Variants in BLZF1 observed in about 807,000 individuals in gnomAD.
BLZF1 encodes golgin-45.
In BLZF1, 39 loss-of-function variants were observed where a neutral mutation model predicts 43.8. The ratio of observed to expected loss-of-function variants is 0.89; its 90% CI spans 0.69 to 1.16. The LOEUF is 1.16. Ranked by LOEUF, BLZF1 falls within the 50% of genes most tolerant of loss-of-function variation. The pLI, the probability that BLZF1 is intolerant of heterozygous loss-of-function variation, is 0.00. For missense variants in BLZF1, 449 were observed against 469.8 expected (o/e 0.96, Z 0.41); for synonymous variants, 136 against 159.4 (o/e 0.85, Z 1.11).
At chr1:169,390,278 C>T (rs976784206), downstream of BLZF1, among the ~76,000 whole-genome samples, 3 of 151,820 alleles carry the variant, frequency 2.0e-5, no homozygotes. Flanking sequence ...TCTAACATAA[C>T]ACCTTAAGGA....
At chr1:169,379,184 A>G (rs1176365724) in intron 4 of BLZF1, among the ~76,000 whole-genome samples, 1 of 152,014 alleles carries the variant, frequency 6.6e-6, no homozygotes, top group Non-Finnish European at 1.5e-5. Context: ...ACTTAGCAAA[A>G]TACTTTATAG....
intron 6 of BLZF1, among the ~76,000 whole-genome samples, chr1:169,386,076 A>T (rs192736065): frequency 3.6e-3 from 554 of 152,306 alleles, no homozygotes; most frequent in African/African-American, 0.013. Flanking sequence ...TAACTGGAGA[A>T]ATTTTTTCAG....
At chr1:169,395,328 A>G in intron 7 of BLZF1, 1 of 837,490 alleles carries the variant, frequency 1.2e-6, no homozygotes, top group Non-Finnish European at 1.7e-6. Flanking sequence ...CTGTCACAGC[A>G]CAAATTTTTA....
intron 6 of BLZF1, among the ~76,000 whole-genome samples, chr1:169,384,057 T>C (rs6677410): frequency 0.53 from 81,145 of 151,868 alleles, 22,506 homozygotes; most frequent in Non-Finnish European, 0.6. Context: ...AAAAATATAA[T>C]CTCTTTTCTC....
intron 6 of BLZF1, among the ~76,000 whole-genome samples, chr1:169,382,903 C>A (rs1654566803): frequency 6.6e-6 from 1 of 152,182 alleles, no homozygotes; most frequent in Non-Finnish European, 1.5e-5. Flanking sequence ...TTCTTTCCAA[C>A]TCTGATTCTT....
At position 169,369,532 on chromosome 1, in the gene BLZF1, A is replaced by G. The variant is rs1194041459; in HGVS notation, c.10A>G (p.Lys4Glu). 1.9e-6 allele frequency: 3 copies of G among 1,609,718 alleles called. No homozygotes were observed. Among genetic ancestry groups the G allele is most frequent in the Non-Finnish European group, 2.5e-6 (3 of 1,177,294 alleles). Residue 4 changes from lysine (K) to glutamate (E), a missense_variant, in exon 2 of 7, where the codon AAA becomes GAA. Transcript: ENST00000367808. MTT[K>E]NLETKVTVTS... ...TGGTTAAGGTGAAAAAATGACTACTAAAAATTTAGAAACCAAAGGTAAGTG... is the reference window on the plus strand; with the variant it reads ...TGGTTAAGGTGAAAAAATGACTACTGAAAATTTAGAAACCAAAGGTAAGTG...
chr1:169,382,219 CAA>C lies in BLZF1; in HGVS notation c.961_962del (p.Lys321AspfsTer6). 9 of 1,612,858 alleles carry C rather than the reference CAA, an allele frequency of 5.6e-6. No individual in the cohort carries two copies. Among genetic ancestry groups the C allele is most frequent in the Non-Finnish European group, 7.6e-6 (9 of 1,179,476 alleles). On this transcript the variant is annotated frameshift_variant, in exon 6 of 7. Transcript: ENST00000367808. LOFTEE classifies it high-confidence loss of function. ...TCTGGGAAATGTTGGCATTAACAAT[CAA>C]AAAAAGATTCCATCAACAGTTGAAT... ...HLLGNVGINN[Q>X]KKIPSTVEFC...
At chr1:169,395,875 GTTGTT>G (rs1654996921) in intron 7 of BLZF1, 1 of 114,818 alleles carries the variant, frequency 8.7e-6, no homozygotes, top group Non-Finnish European at 2.0e-5. Context: ...ACCTGGTTTT[GTTGTT>G]TTTTTTTTTT....
At chr1:169,380,039 G>A (rs1176423412) in intron 4 of BLZF1, among the ~76,000 whole-genome samples, 1 of 151,780 alleles carries the variant, frequency 6.6e-6, no homozygotes, top group Middle Eastern at 3.2e-3. Flanking sequence ...TAGGTATGCT[G>A]GGCATGACAA....
At chr1:169,378,986 G>A (rs1263870008) in intron 4 of BLZF1, among the ~76,000 whole-genome samples, 1 of 151,682 alleles carries the variant, frequency 6.6e-6, no homozygotes, top group East Asian at 1.9e-4. Context: ...ACATTTTTAT[G>A]ACATACTGGA....
rs148877715 is a variant in BLZF1 at position 169,378,484 on chromosome 1, T to C, written c.623T>C (p.Met208Thr). 4.3e-6 allele frequency: 7 copies of C among 1,612,758 alleles called. No homozygotes were observed. The South Asian group carries it at 5.5e-5, about 13-fold the overall frequency. Reference sequence around the variant, plus strand: ...CAGCTTTCTGAACAGTTAGAACGTATGTCAATACAGTGTGATGTATGGCGA... The same window carrying C: ...CAGCTTTCTGAACAGTTAGAACGTACGTCAATACAGTGTGATGTATGGCGA... ...TAQLSEQLER[M>T]SIQCDVWRSK... The change falls in exon 4 of 7, where the codon ATG (methionine) becomes ACG (threonine). Residue 208 changes from methionine to threonine, a missense_variant. Met to Thr is a moderately conservative substitution (Grantham distance 81, BLOSUM62 -1). Coordinates refer to ENST00000367808, the MANE Select transcript of BLZF1 (RefSeq NM_001320973.2).
downstream of BLZF1, among the ~76,000 whole-genome samples, chr1:169,389,794 CA>C (rs1328878964): frequency 2.6e-5 from 4 of 152,258 alleles, no homozygotes; most frequent in East Asian, 5.8e-4. Context: ...TTTGATGCTA[CA>C]ATGTAGATGA....
At chr1:169,373,901 C>T (rs1162632639) in intron 2 of BLZF1, among the ~76,000 whole-genome samples, 1 of 151,966 alleles carries the variant, frequency 6.6e-6, no homozygotes, top group Non-Finnish European at 1.5e-5. Flanking sequence ...TTTTTTATTT[C>T]CTCAGCCTCA....
intron 5 of BLZF1, 28 bp downstream of exon 5, chr1:169,380,637 C>T: frequency 6.2e-7 from 1 of 1,601,854 alleles, no homozygotes; most frequent in Non-Finnish European, 8.5e-7. Context: ...ATTCTGAACT[C>T]TTCTGCTTTC....
intron 6 of BLZF1, among the ~76,000 whole-genome samples, chr1:169,382,574 A>G (rs892083089): frequency 6.6e-6 from 1 of 152,222 alleles, no homozygotes; most frequent in Non-Finnish European, 1.5e-5. Context: ...TGATATAAAA[A>G]CCACTGTGTA....
downstream of BLZF1, among the ~76,000 whole-genome samples, chr1:169,390,569 A>G (rs2102024451): frequency 6.6e-6 from 1 of 152,306 alleles, no homozygotes; most frequent in South Asian, 2.1e-4. Flanking sequence ...AAATTCCTAG[A>G]AAGACATGTA....
At chr1:169,375,419 T>C (rs1432826199) in intron 2 of BLZF1, among the ~76,000 whole-genome samples, 1 of 120,234 alleles carries the variant, frequency 8.3e-6, no homozygotes, top group Non-Finnish European at 1.8e-5. Flanking sequence ...TATATATATA[T>C]ATATATATAT....
chr1:169,391,530 T>C (rs893118338), downstream of BLZF1, among the ~76,000 whole-genome samples: 2 of 152,142 alleles, frequency 1.3e-5, no homozygotes, highest in Admixed American at 6.6e-5. Context: ...AATAACGAGA[T>C]GCAAATGAAC....
rs1473197479 is a variant in BLZF1 at position 169,378,504 on chromosome 1, T to C, written c.643T>C (p.Trp215Arg). 1 of 1,612,494 alleles carries C rather than the reference T, an allele frequency of 6.2e-7. No individual in the cohort carries two copies. The highest frequency in any genetic ancestry group is 8.5e-7 in the Non-Finnish European group (1 of 1,178,868). ...ACGTATGTCAATACAGTGTGATGTA[T>C]GGCGAAGTAAATTCCTTGCAAGCAG... ...LERMSIQCDV[W>R]RSKFLASRVM... The change falls in exon 4 of 7, where the codon TGG becomes CGG. Residue 215 changes from tryptophan to arginine, a missense_variant. By Grantham distance (101) the Trp-to-Arg change is moderately radical. Coordinates refer to ENST00000367808, the MANE Select transcript of BLZF1 (RefSeq NM_001320973.2).
Sources: gnomAD v4.1 joint callset for allele counts (sites outside exome capture counted in the v4.1 genomes callset) on GRCh38, gnomAD v4.1.1 for gene constraint, MANE v1.5 for transcripts, NCBI Gene and HGNC (gene_info 2026-07-23, HGNC 2026-07-21) for gene names.